The following SMAD1 variants were observed in gnomAD, a reference collection of about 807,000 sequenced individuals.
SMAD1 encodes the protein MAD, mothers against decapentaplegic homolog 1.
SMAD1 carries 6 observed loss-of-function variants against 41.6 expected under a neutral mutation model. That is an observed-to-expected ratio of 0.14 (90% confidence interval 0.08 to 0.28). The LOEUF is 0.28. Among genes scored for constraint, SMAD1 ranks in the 10% least tolerant of loss-of-function variants. The pLI is 1.00. For missense variants in SMAD1, 379 were observed against 582.6 expected, an observed-to-expected ratio of 0.65 and a Z score of 3.60; for synonymous variants, 206 against 203.2, an observed-to-expected ratio of 1.01 and a Z score of -0.12.
At chr4:145,553,480 C>T (rs990514240) in intron 5 of SMAD1, among the ~76,000 whole-genome samples, 1 of 152,116 alleles carries the variant, frequency 6.6e-6, no homozygotes, top group African/African-American at 2.4e-5. Flanking sequence ...CACAGTTCAC[C>T]ATAGGGTTCA....
At chr4:145,548,800 G>A (rs1732396919) in intron 5 of SMAD1, among the ~76,000 whole-genome samples, 1 of 152,184 alleles carries the variant, frequency 6.6e-6, no homozygotes, top group Non-Finnish European at 1.5e-5. Context: ...GTACAAGGGA[G>A]AATAAAAAGC....
intron 1 of SMAD1, chr4:145,484,725 A>C (rs532810807): frequency 5.9e-5 from 9 of 152,340 alleles, no homozygotes; most frequent in African/African-American, 2.2e-4. Context: ...GATGCTGATA[A>C]GGACCTTTGC....
Position 145,558,737 on chromosome 4 carries a change from T to TCG in SMAD1, c.*804_*805insGC. On this transcript the variant is annotated 3_prime_UTR_variant, in exon 7 of 7. Coordinates refer to ENST00000302085, the MANE Select transcript of SMAD1 (RefSeq NM_005900.3). ...TAGAGATTTTTATCATTTTTTTCTCTCTCGGCATTCTTTTTTCTCATACTC... is the reference window on the plus strand; with the variant it reads ...TAGAGATTTTTATCATTTTTTTCTCTCGCTCGGCATTCTTTTTTCTCATACTC... Among the ~76,000 whole-genome samples the TCG allele has an allele frequency of 8.8e-6, 1 of 113,270 alleles. No homozygotes were observed. Among genetic ancestry groups the TCG allele is most frequent in the Non-Finnish European group, 2.0e-5 (1 of 51,086 alleles). The allele number at this position is 113,270 out of a possible 152,430, so 74.3% of individuals were successfully genotyped here.
intron 1 of SMAD1, among the ~76,000 whole-genome samples, chr4:145,493,992 C>T (rs1478820676): frequency 1.3e-5 from 2 of 152,208 alleles, no homozygotes; most frequent in Non-Finnish European, 2.9e-5. Context: ...GACAGAGTCT[C>T]ACCCTGTCGC....
At chr4:145,506,286 ATTAG>A (rs1344218910) in intron 1 of SMAD1, among the ~76,000 whole-genome samples, 3 of 152,318 alleles carry the variant, frequency 2.0e-5, no homozygotes, top group South Asian at 2.1e-4. Context: ...ATTTTTTACT[ATTAG>A]TTAAGAAAGT....
intron 1 of SMAD1, among the ~76,000 whole-genome samples, chr4:145,492,690 C>T (rs895300199): frequency 2.0e-5 from 3 of 152,314 alleles, no homozygotes; most frequent in Admixed American, 1.3e-4. Context: ...GAGGGTGGGG[C>T]TGAAAGTCTC....
At chr4:145,547,459 AG>A in intron 5 of SMAD1, among the ~76,000 whole-genome samples, 1 of 152,376 alleles carries the variant, frequency 6.6e-6, no homozygotes, top group Admixed American at 6.5e-5. Flanking sequence ...ATTTATAATA[AG>A]AAAAAATAAA....
Position 145,552,866 on chromosome 4 carries a change from A to G in SMAD1, c.998-918A>G, listed in dbSNP as rs77017928. On this transcript the variant is annotated intron_variant, in intron 5 of 6. Coordinates refer to ENST00000302085, the MANE Select transcript of SMAD1 (RefSeq NM_005900.3). ...CAATGTGTGGCCAAATAGGACATTAATCACTTACCAAAATGAAATTGCTAC... is the reference window on the plus strand; with the variant it reads ...CAATGTGTGGCCAAATAGGACATTAGTCACTTACCAAAATGAAATTGCTAC... Among the ~76,000 whole-genome samples, 125 of 151,976 alleles carry G rather than the reference A, an allele frequency of 8.2e-4. 2 individuals are homozygous for G. In the East Asian group the frequency reaches 0.024, roughly 29 times the overall value.
intron 2 of SMAD1, among the ~76,000 whole-genome samples, chr4:145,519,957 G>A (rs982954265): frequency 2.6e-5 from 4 of 152,142 alleles, no homozygotes; most frequent in Non-Finnish European, 5.9e-5. Flanking sequence ...GGTGTCACAA[G>A]TGACAATTTC....
intron 2 of SMAD1, among the ~76,000 whole-genome samples, chr4:145,520,516 A>G (rs1452467441): frequency 6.6e-6 from 1 of 152,236 alleles, no homozygotes; most frequent in Non-Finnish European, 1.5e-5. Context: ...GTCTGGATGA[A>G]GTTGTCTTGA....
At chr4:145,529,294 C>G (rs1179492920) in intron 2 of SMAD1, among the ~76,000 whole-genome samples, 1 of 152,026 alleles carries the variant, frequency 6.6e-6, no homozygotes, top group Admixed American at 6.5e-5. Flanking sequence ...CTCGAAGTCT[C>G]TAATAACAGA....
intron 2 of SMAD1, among the ~76,000 whole-genome samples, chr4:145,535,191 G>A (rs569891003): frequency 2.0e-5 from 3 of 152,266 alleles, no homozygotes; most frequent in Non-Finnish European, 2.9e-5. Context: ...GGATTCAGAA[G>A]CTTGACAGAC....
At chr4:145,539,628 G>A (rs1414743597) in intron 2 of SMAD1, among the ~76,000 whole-genome samples, 176 bp from the exon 3 acceptor site, 2 of 152,194 alleles carry the variant, frequency 1.3e-5, no homozygotes, top group Non-Finnish European at 1.5e-5. Flanking sequence ...ATTTGTTCCT[G>A]CATTTGTTCT....
chr4:145,539,274 A>G (rs983249440), intron 2 of SMAD1, among the ~76,000 whole-genome samples: 6 of 152,162 alleles, frequency 3.9e-5, no homozygotes, highest in African/African-American at 1.4e-4. Context: ...TGGCATTTGC[A>G]TTTTCTACAG....
chr4:145,541,196 A>G (rs998061666), intron 3 of SMAD1, among the ~76,000 whole-genome samples: 4 of 152,290 alleles, frequency 2.6e-5, no homozygotes, highest in African/African-American at 9.6e-5. Flanking sequence ...GGCAGCCCAG[A>G]GTGGCCCCAA....
In SMAD1 at chr4:145,507,175, G is replaced by T. The variant is rs537004667; in HGVS notation, c.-176-7263G>T. Among the ~76,000 whole-genome samples the T allele has an allele frequency of 3.0e-3, 419 of 141,734 alleles. 3 individuals carry two copies. The highest frequency in any genetic ancestry group is 0.018 in the Middle Eastern group (5 of 272). 93.0% of individuals were successfully genotyped at this position (141,734 alleles called of 152,430 possible). ...TGAGATAATGAATTGATTTTTGTGG[G>T]TTTTTTTTTTTTGTAATTAGCAAAT... On this transcript the variant is annotated intron_variant, in intron 1 of 6. Coordinates refer to ENST00000302085, the MANE Select transcript of SMAD1 (RefSeq NM_005900.3).
chr4:145,493,902 A>AT (rs913583876), intron 1 of SMAD1, among the ~76,000 whole-genome samples: 1 of 152,220 alleles, frequency 6.6e-6, no homozygotes, highest in African/African-American at 2.4e-5. Context: ...TGGGGAAAAA[A>AT]GTCTGATGCA....
intron 4 of SMAD1, 131 bp from the exon 5 acceptor site, chr4:145,546,572 T>C: frequency 1.4e-6 from 1 of 705,850 alleles, no homozygotes; most frequent in South Asian, 1.7e-5. Context: ...AGAAAAACTG[T>C]ATACATTATA....
intron 2 of SMAD1, among the ~76,000 whole-genome samples, chr4:145,522,235 C>T (rs1730779712): frequency 6.6e-6 from 1 of 151,696 alleles, no homozygotes. Flanking sequence ...GGAGGTGGAG[C>T]TTGCAGTGAG....
Sources: gnomAD v4.1 joint callset for allele counts (sites outside exome capture counted in the v4.1 genomes callset) on GRCh38, gnomAD v4.1.1 for gene constraint, MANE v1.5 for transcripts, NCBI Gene and HGNC (gene_info 2026-07-23, HGNC 2026-07-21) for gene names.